Variants in FSTL4 observed in about 807,000 individuals in gnomAD.
FSTL4 encodes follistatin-related protein 4.
A neutral mutation model predicts 78.2 loss-of-function variants in FSTL4; 28 were observed. The ratio of observed to expected loss-of-function variants is 0.36; its 90% CI spans 0.27 to 0.49. The LOEUF is 0.49. FSTL4 is among the 20% of genes least tolerant of loss of function. The pLI is 0.98. For missense variants in FSTL4, 922 were observed against 1,084.9 expected (o/e 0.85, Z 2.11); for synonymous variants, 422 against 440.5 (o/e 0.96, Z 0.53).
intron 4 of FSTL4, among the ~76,000 whole-genome samples, chr5:133,329,587 A>T (rs767856652): frequency 6.8e-6 from 1 of 147,946 alleles, no homozygotes; most frequent in Non-Finnish European, 1.5e-5. Context: ...TGGGAAAAAG[A>T]TGTAGGCTGG....
At chr5:133,250,400 T>C (rs1441255300) in intron 6 of FSTL4, among the ~76,000 whole-genome samples, 1 of 152,140 alleles carries the variant, frequency 6.6e-6, no homozygotes, top group East Asian at 1.9e-4. Flanking sequence ...TGGCTCCCTT[T>C]TGCTCTTCCC....
chr5:133,568,692 C>A (rs1413222363), intron 2 of FSTL4, among the ~76,000 whole-genome samples: 1 of 152,160 alleles, frequency 6.6e-6, no homozygotes, highest in Non-Finnish European at 1.5e-5. Flanking sequence ...AGCCACAGAG[C>A]GTATTTTGCA....
At chr5:133,354,542 C>G (rs1271297740) in intron 4 of FSTL4, among the ~76,000 whole-genome samples, 1 of 152,198 alleles carries the variant, frequency 6.6e-6, no homozygotes, top group African/African-American at 2.4e-5. Context: ...CCACACCCAG[C>G]AGTAACTGGC....
chr5:133,803,637 TG>T, the FSTL4 span, among the ~76,000 whole-genome samples: 1 of 152,204 alleles, frequency 6.6e-6, no homozygotes, highest in Non-Finnish European at 1.5e-5. Flanking sequence ...ATGGTCTTTC[TG>T]GGTGGAGTAG....
intron 3 of FSTL4, chr5:133,458,304 T>C (rs1273621107): frequency 1.3e-5 from 2 of 152,192 alleles, no homozygotes; most frequent in African/African-American, 4.8e-5. Context: ...ATTTATGTAT[T>C]AATAAAAAAG....
the FSTL4 span, among the ~76,000 whole-genome samples, chr5:133,721,627 T>G: frequency 6.6e-6 from 1 of 152,220 alleles, no homozygotes; most frequent in Non-Finnish European, 1.5e-5. Context: ...CCTGTAAGGT[T>G]TCTGCTAAGA....
chr5:133,682,139 C>G, the FSTL4 span, among the ~76,000 whole-genome samples: 1 of 152,190 alleles, frequency 6.6e-6, no homozygotes, highest in African/African-American at 2.4e-5. Flanking sequence ...GATAGCCCCA[C>G]CCACAGTCTC....
the FSTL4 span, among the ~76,000 whole-genome samples, chr5:133,700,404 G>C: frequency 3.0e-5 from 4 of 134,024 alleles, no homozygotes; most frequent in Admixed American, 7.6e-5. Flanking sequence ...CAAACCATCA[G>C]ACCAAAGCAC....
At chr5:133,297,899 C>T (rs1753440553) in intron 6 of FSTL4, among the ~76,000 whole-genome samples, 1 of 152,202 alleles carries the variant, frequency 6.6e-6, no homozygotes, top group South Asian at 2.1e-4. Flanking sequence ...CCAACAGTCC[C>T]CCATCCCTCA....
the FSTL4 span, among the ~76,000 whole-genome samples, chr5:133,815,710 C>G: frequency 1.3e-5 from 2 of 152,102 alleles, no homozygotes; most frequent in Non-Finnish European, 2.9e-5. Context: ...ATATTTTCCC[C>G]CAAGTGTTTC....
At chr5:133,300,445 T>C (rs982374172) in intron 6 of FSTL4, among the ~76,000 whole-genome samples, 4 of 152,140 alleles carry the variant, frequency 2.6e-5, no homozygotes, top group South Asian at 2.1e-4. Flanking sequence ...TCGACTCCAC[T>C]GCCCTTAAAT....
At chr5:133,716,414 T>G in the FSTL4 span, among the ~76,000 whole-genome samples, 1 of 151,386 alleles carries the variant, frequency 6.6e-6, no homozygotes, top group Non-Finnish European at 1.5e-5. Context: ...TATATAAACT[T>G]AACCTGTTCA....
chr5:133,344,368 C>T (rs1754652418), intron 4 of FSTL4, among the ~76,000 whole-genome samples: 1 of 152,156 alleles, frequency 6.6e-6, no homozygotes, highest in African/African-American at 2.4e-5. Context: ...AGTTTCTATT[C>T]ATTGACTCTA....
chr5:133,731,625 A>G, the FSTL4 span, among the ~76,000 whole-genome samples: 1 of 152,170 alleles, frequency 6.6e-6, no homozygotes, highest in Admixed American at 6.5e-5. Context: ...GGGCCAAGGG[A>G]GTCAGAGGGT....
the FSTL4 span, among the ~76,000 whole-genome samples, chr5:133,658,424 G>A: frequency 6.6e-6 from 1 of 152,116 alleles, no homozygotes; most frequent in African/African-American, 2.4e-5. Flanking sequence ...TGGAAAAAAT[G>A]TGAATGATTT....
chr5:133,547,183 T>C lies in FSTL4; in HGVS notation c.160+20003A>G, dbSNP rs181745465. ...CCTCAAAACTTAATGTTGTTCCCTG[T>C]AGGGCTTTGGACTTACTTGGGGCCT... is the stretch of plus-strand genomic sequence containing the variant. On this transcript the variant is annotated intron_variant, in intron 3 of 15. Coordinates refer to ENST00000265342, the MANE Select transcript of FSTL4 (RefSeq NM_015082.2). Among the ~76,000 whole-genome samples, 13 of 152,304 alleles carry C rather than the reference T, an allele frequency of 8.5e-5. No homozygotes were observed. In the East Asian group the frequency reaches 2.5e-3, roughly 29 times the overall value.
At chr5:133,526,341 G>A (rs1759099869) in intron 3 of FSTL4, among the ~76,000 whole-genome samples, 1 of 152,140 alleles carries the variant, frequency 6.6e-6, no homozygotes, top group Non-Finnish European at 1.5e-5. Flanking sequence ...GAAAGAAGGT[G>A]AACAGGAGGG....
At chr5:133,776,437 C>A in the FSTL4 span, among the ~76,000 whole-genome samples, 19 of 152,146 alleles carry the variant, frequency 1.2e-4, no homozygotes, top group Non-Finnish European at 2.6e-4. Flanking sequence ...ATGGTTTGCC[C>A]ATGTTGCTAG....
At chr5:133,330,785 G>T (rs1754327367) in intron 4 of FSTL4, among the ~76,000 whole-genome samples, 1 of 152,186 alleles carries the variant, frequency 6.6e-6, no homozygotes. Flanking sequence ...CTGACAGGGG[G>T]TAAAGACAAG....
Sources: gnomAD v4.1 joint callset for allele counts (sites outside exome capture counted in the v4.1 genomes callset) on GRCh38, gnomAD v4.1.1 for gene constraint, MANE v1.5 for transcripts, NCBI Gene and HGNC (gene_info 2026-07-23, HGNC 2026-07-21) for gene names.